The following DNAJC13 variants were observed in gnomAD, a reference collection of about 807,000 sequenced individuals.
DNAJC13 encodes the protein DnaJ heat shock protein family (Hsp40) member C13.
A neutral mutation model predicts 290.5 loss-of-function variants in DNAJC13; 75 were observed. That is an observed-to-expected ratio of 0.26 (90% CI 0.21 to 0.31). The LOEUF is 0.31. Ranked by LOEUF, DNAJC13 falls within the 10% of genes least tolerant of loss-of-function variation. DNAJC13 has a pLI of 1.00. For missense variants in DNAJC13, 2,260 were observed against 2,674.5 expected, an observed-to-expected ratio of 0.85 and a Z score of 3.42; for synonymous variants, 862 against 892.0, an observed-to-expected ratio of 0.97 and a Z score of 0.60.
At position 132,453,619 on chromosome 3, in the gene DNAJC13, A is replaced by G. The variant is rs777960726; in HGVS notation, c.765A>G (p.Leu255=). The G allele has an allele frequency of 4.3e-6, 7 of 1,613,320 alleles. No homozygotes were observed. In the East Asian group the frequency reaches 1.1e-4, roughly 26 times the overall value. The change falls in exon 8 of 56, where the codon CTA becomes CTG. Residue 255 remains leucine (L), a synonymous_variant. Transcript: ENST00000260818. Reference sequence around the variant, plus strand: ...TGAAGGAGCCTGTTAAAAGAGTTCTAGCACTTACAGAAACATGTTTAGTAG... The same window carrying G: ...TGAAGGAGCCTGTTAAAAGAGTTCTGGCACTTACAGAAACATGTTTAGTAG... ...PRHSEPVKRV[L]ALTETCLVER...
intron 38 of DNAJC13, among the ~76,000 whole-genome samples, chr3:132,500,214 A>C (rs905166171): frequency 6.6e-6 from 1 of 152,216 alleles, no homozygotes; most frequent in Non-Finnish European, 1.5e-5. Flanking sequence ...TAAGATAGGA[A>C]ATTCATCAGG....
chr3:132,521,390 G>A (rs1191768761), intron 48 of DNAJC13, among the ~76,000 whole-genome samples: 2 of 152,164 alleles, frequency 1.3e-5, no homozygotes, highest in African/African-American at 4.8e-5. Flanking sequence ...ATAAGCAGTT[G>A]TATTAAAGGT....
rs1383695626 is a variant in DNAJC13 at position 132,500,874 on chromosome 3, C to T, written c.4497C>T (p.Ser1499=). ...GAGAGAAGATCACGGAAATGCCTAG[C>T]ATCATCAAGGATCTCTGTCGGGTAC... The part of the protein sequence containing the change: ...ECREKITEMP[S]IIKDLCRVLY... The change falls in exon 39 of 56, where the codon AGC becomes AGT. Residue 1499 remains serine (S), a synonymous_variant. Coordinates refer to ENST00000260818, the MANE Select transcript of DNAJC13 (RefSeq NM_015268.4). 3.1e-6 allele frequency: 5 copies of T among 1,613,936 alleles called. No homozygotes were observed. In the Admixed American group the frequency reaches 5.0e-5, roughly 16 times the overall value.
At chr3:132,466,991 G>C (rs1306610128) in intron 19 of DNAJC13, among the ~76,000 whole-genome samples, 179 bp from the exon 20 acceptor site, 1 of 152,162 alleles carries the variant, frequency 6.6e-6, no homozygotes, top group Non-Finnish European at 1.5e-5. Context: ...TGAAACCTAA[G>C]TAGAAAAGTT....
intron 2 of DNAJC13, among the ~76,000 whole-genome samples, chr3:132,436,403 A>G (rs919311552): frequency 1.3e-5 from 2 of 152,214 alleles, no homozygotes; most frequent in African/African-American, 2.4e-5. Flanking sequence ...CATTAATGTC[A>G]TATAATCTGT....
At chr3:132,492,216 A>G (rs1467017230) in intron 32 of DNAJC13, among the ~76,000 whole-genome samples, 198 bp from the exon 33 acceptor site, 1 of 152,128 alleles carries the variant, frequency 6.6e-6, no homozygotes, top group Non-Finnish European at 1.5e-5. Context: ...TTCTTTACAG[A>G]TGAGTATCAT....
At chr3:132,526,314 G>T in intron 53 of DNAJC13, 33 bp downstream of exon 53, 2 of 1,611,002 alleles carry the variant, frequency 1.2e-6, no homozygotes, top group South Asian at 2.2e-5. Context: ...CACTATTTTA[G>T]GAAAGCAAAC....
chr3:132,497,722 A>G (rs1179287789), intron 36 of DNAJC13, among the ~76,000 whole-genome samples: 1 of 152,228 alleles, frequency 6.6e-6, no homozygotes. Context: ...GTTATGGCCC[A>G]TCCTGGTTTC....
chr3:132,493,755 A>G (rs912973599), intron 33 of DNAJC13, among the ~76,000 whole-genome samples: 2 of 152,102 alleles, frequency 1.3e-5, no homozygotes, highest in African/African-American at 4.8e-5. Flanking sequence ...ACTACAGTGT[A>G]TCATCTAATT....
chr3:132,434,807 T>C (rs1347582472), intron 2 of DNAJC13, among the ~76,000 whole-genome samples, 189 bp downstream of exon 2: 1 of 152,230 alleles, frequency 6.6e-6, no homozygotes, highest in Non-Finnish European at 1.5e-5. Context: ...GTTTTCAGTA[T>C]CTTTCTTGGG....
In DNAJC13 at chr3:132,448,020, G is replaced by A. The variant is rs553468764; in HGVS notation, c.336+81G>A. The A allele has an allele frequency of 5.0e-6, 5 of 990,860 alleles. No individual in the cohort carries two copies. In the South Asian group the frequency reaches 6.1e-5, roughly 12 times the overall value. 61.4% of individuals were successfully genotyped at this position (990,860 alleles called of 1,614,324 possible). A position where few individuals can be genotyped will look rare whatever the true frequency, so the allele number is the denominator to read the frequency against. Reference sequence around the variant, plus strand: ...GTAGAAATCATTTCATAATCTGTGTGTTCCATTTGTAGCAAAGCTAAAGGG... The same window carrying A: ...GTAGAAATCATTTCATAATCTGTGTATTCCATTTGTAGCAAAGCTAAAGGG... On this transcript the variant is annotated intron_variant, in intron 5 of 55. Transcript: ENST00000260818.
intron 1 of DNAJC13, 33 bp from the exon 2 acceptor site, chr3:132,434,503 CAT>C (rs1166381322): frequency 6.2e-6 from 9 of 1,448,120 alleles, no homozygotes; most frequent in Admixed American, 1.8e-5. Flanking sequence ...AGATATATAA[CAT>C]GTACTAAGTG....
rs747365309 is a variant in DNAJC13 at position 132,525,630 on chromosome 3, G to A, written c.6081G>A (p.Leu2027=). The change falls in exon 52 of 56, where the codon TTG becomes TTA. Residue 2027 remains leucine (L), a synonymous_variant. Coordinates refer to ENST00000260818, the MANE Select transcript of DNAJC13 (RefSeq NM_015268.4). ...TGCAGGGAGAAACTCTGGAAACCTT[G>A]ACAATGGCAACAGTGTGTCTCTTCA... is the stretch of plus-strand genomic sequence containing the variant. The part of the protein sequence containing the change: ...NNPHGETLET[L]TMATVCLFSA... The A allele has an allele frequency of 1.2e-5, 20 of 1,613,722 alleles. No homozygotes were observed. Among genetic ancestry groups the A allele is most frequent in the Non-Finnish European group, 1.6e-5 (19 of 1,179,924 alleles).
chr3:132,451,779 A>G (rs192881146), intron 6 of DNAJC13, among the ~76,000 whole-genome samples: 1 of 152,222 alleles, frequency 6.6e-6, no homozygotes, highest in African/African-American at 2.4e-5. Context: ...CATATATAAG[A>G]TAGTAGATGT....
At chr3:132,444,102 G>T (rs1215477779) in intron 2 of DNAJC13, among the ~76,000 whole-genome samples, 1 of 152,122 alleles carries the variant, frequency 6.6e-6, no homozygotes, top group African/African-American at 2.4e-5. Context: ...AAGCGAGCCA[G>T]CATTACCGCC....
chr3:132,429,335 A>G (rs907888413), intron 1 of DNAJC13, among the ~76,000 whole-genome samples: 1 of 151,878 alleles, frequency 6.6e-6, no homozygotes, highest in African/African-American at 2.4e-5. Flanking sequence ...GAGGGAAGGT[A>G]TTAAAGTTTA....
At chr3:132,434,400 A>G (rs1440205970) in intron 1 of DNAJC13, 138 bp from the exon 2 acceptor site, 4 of 507,998 alleles carry the variant, frequency 7.9e-6, no homozygotes, top group Admixed American at 3.5e-5. Flanking sequence ...AAAAAAAAAC[A>G]AAACCTTATG....
chr3:132,446,427 A>T, intron 2 of DNAJC13, 48 bp from the exon 3 acceptor site: 1 of 1,326,850 alleles, frequency 7.5e-7, no homozygotes, highest in Non-Finnish European at 1.1e-6. Flanking sequence ...TTCTTATAAA[A>T]TATCTTTTTG....
chr3:132,420,141 G>A (rs1938912426), intron 1 of DNAJC13, among the ~76,000 whole-genome samples: 1 of 152,212 alleles, frequency 6.6e-6, no homozygotes, highest in Non-Finnish European at 1.5e-5. Context: ...TGGACAAAAA[G>A]CATGATGAAA....
Sources: allele counts gnomAD v4.1 joint callset (sites outside exome capture counted in the v4.1 genomes callset), GRCh38; gene constraint gnomAD v4.1.1; transcripts MANE v1.5; gene names NCBI Gene and HGNC (gene_info 2026-07-23, HGNC 2026-07-21).